Variants in PDE1C observed in about 807,000 individuals in gnomAD.
PDE1C encodes phosphodiesterase 1C.
A neutral mutation model predicts 93.1 loss-of-function variants in PDE1C; 62 were observed. The ratio of observed to expected loss-of-function variants is 0.67; its 90% CI spans 0.54 to 0.82. The LOEUF (loss-of-function observed/expected upper bound fraction) is 0.82, where lower values mean the gene tolerates loss of function less well. Among genes scored for constraint, PDE1C ranks in the 40% least tolerant of loss-of-function variants. PDE1C has a pLI of 0.00. For missense variants in PDE1C, 742 were observed against 884.6 expected (o/e 0.84, Z 2.04); for synonymous variants, 325 against 310.1 (o/e 1.05, Z -0.50).
At chr7:32,189,807 T>C (rs1482945955) in intron 2 of PDE1C, among the ~76,000 whole-genome samples, 1 of 152,168 alleles carries the variant, frequency 6.6e-6, no homozygotes, top group Non-Finnish European at 1.5e-5. Context: ...TATTTTTTTC[T>C]ACTTTTTGCC....
chr7:32,192,230 A>G (rs1456753489), intron 2 of PDE1C, among the ~76,000 whole-genome samples: 1 of 152,174 alleles, frequency 6.6e-6, no homozygotes, highest in Non-Finnish European at 1.5e-5. Flanking sequence ...AGCCCAATTT[A>G]TCAATTTTTA....
At chr7:31,657,674 T>C in the PDE1C span, among the ~76,000 whole-genome samples, 4 of 152,300 alleles carry the variant, frequency 2.6e-5, no homozygotes, top group East Asian at 1.9e-4. Context: ...CAAGATCCTG[T>C]ATTCCTTTTT....
At chr7:32,316,574 T>C (rs556690930) in intron 1 of PDE1C, among the ~76,000 whole-genome samples, 1 of 152,300 alleles carries the variant, frequency 6.6e-6, no homozygotes, top group Admixed American at 6.5e-5. Flanking sequence ...TTCTAAATAA[T>C]GATCATGAAT....
chr7:32,074,230 T>A (rs1796226556), upstream of PDE1C, among the ~76,000 whole-genome samples: 1 of 151,488 alleles, frequency 6.6e-6, no homozygotes, highest in Admixed American at 6.6e-5. Context: ...TAAAAAAAAA[T>A]AGGAATCAGG....
At chr7:32,311,360 T>C (rs1185375135) in intron 1 of PDE1C, among the ~76,000 whole-genome samples, 1 of 152,194 alleles carries the variant, frequency 6.6e-6, no homozygotes, top group Non-Finnish European at 1.5e-5. Context: ...TCTGAAACTA[T>C]TCCAATCAAC....
intron 16 of PDE1C, among the ~76,000 whole-genome samples, chr7:31,778,883 A>T (rs1783193403): frequency 6.6e-6 from 1 of 152,180 alleles, no homozygotes; most frequent in Non-Finnish European, 1.5e-5. Context: ...GTGTTGTGGG[A>T]GGAGGGAAAA....
At chr7:31,766,652 G>A (rs983298819) in intron 17 of PDE1C, among the ~76,000 whole-genome samples, 4 of 152,226 alleles carry the variant, frequency 2.6e-5, no homozygotes, top group African/African-American at 9.6e-5. Context: ...TGAAATTATT[G>A]CATTTGTATC....
At chr7:31,658,299 C>CT in the PDE1C span, 403,562 of 1,347,120 alleles carry the variant, frequency 0.3, 30,684 homozygotes, top group East Asian at 0.48. Flanking sequence ...AGCTGGATCC[C>CT]TTTTTTTTTT....
chr7:31,841,457 A>G (rs1409090707), intron 9 of PDE1C, among the ~76,000 whole-genome samples: 1 of 152,104 alleles, frequency 6.6e-6, no homozygotes, highest in Non-Finnish European at 1.5e-5. Context: ...GTCTTAAGGA[A>G]AAAACATTCA....
chr7:32,213,685 G>A (rs1806220591), intron 1 of PDE1C, among the ~76,000 whole-genome samples: 1 of 152,208 alleles, frequency 6.6e-6, no homozygotes, highest in African/African-American at 2.4e-5. Flanking sequence ...CAATACAGTA[G>A]ATGTTCCGTT....
intron 1 of PDE1C, among the ~76,000 whole-genome samples, chr7:32,313,230 C>T (rs1366767591): frequency 4.6e-5 from 7 of 152,064 alleles, no homozygotes; most frequent in South Asian, 2.1e-4. Flanking sequence ...ATTAGAATTG[C>T]GATCATTAAA....
In PDE1C at chr7:31,887,668, T is replaced by C. The variant is rs573628361; in HGVS notation, c.129-6808A>G. On this transcript the variant is annotated intron_variant, in intron 2 of 17. Coordinates refer to ENST00000396191, the MANE Select transcript of PDE1C (RefSeq NM_001191057.4). ...ATGCACCATTCTTTTCAAGTGTACA[T>C]GTAATAGTAATCAAAACTGACCATG... Among the ~76,000 whole-genome samples, 6 of 152,298 alleles carry C rather than the reference T, an allele frequency of 3.9e-5. No individual in the cohort carries two copies. In the East Asian group the frequency reaches 7.7e-4, roughly 20 times the overall value.
the PDE1C span, among the ~76,000 whole-genome samples, chr7:31,722,465 C>T: frequency 6.6e-6 from 1 of 152,158 alleles, no homozygotes; most frequent in African/African-American, 2.4e-5. Context: ...TCACAGTTTA[C>T]TTTTGGACAG....
At chr7:32,302,886 C>T (rs984043876), upstream of PDE1C, among the ~76,000 whole-genome samples, 5 of 152,270 alleles carry the variant, frequency 3.3e-5, no homozygotes, top group Non-Finnish European at 4.4e-5. Context: ...ATTGTAGGCC[C>T]AAGTTGCCCC....
intron 1 of PDE1C, among the ~76,000 whole-genome samples, chr7:32,415,154 CAAAT>C (rs1260340870): frequency 6.6e-6 from 1 of 152,054 alleles, no homozygotes; most frequent in African/African-American, 2.4e-5. Context: ...CCTGTCTCTA[CAAAT>C]AAATAAATAT....
At chr7:32,085,544 C>G (rs1052747414) in intron 3 of PDE1C, among the ~76,000 whole-genome samples, 1 of 148,222 alleles carries the variant, frequency 6.7e-6, no homozygotes, top group Non-Finnish European at 1.5e-5. Context: ...GTCAGAGACA[C>G]AACCAAAAAA....
intron 3 of PDE1C, among the ~76,000 whole-genome samples, chr7:32,132,682 A>G (rs1318997553): frequency 6.6e-6 from 1 of 152,150 alleles, no homozygotes; most frequent in South Asian, 2.1e-4. Context: ...AACAATGACA[A>G]TAAATAAAAT....
At chr7:31,775,332 G>A (rs901962184) in intron 17 of PDE1C, among the ~76,000 whole-genome samples, 3 of 152,032 alleles carry the variant, frequency 2.0e-5, no homozygotes, top group Admixed American at 1.3e-4. Context: ...CCTGAGTCTC[G>A]ATCTCACCAC....
At chr7:32,233,479 T>C (rs186461656) in intron 1 of PDE1C, among the ~76,000 whole-genome samples, 6 of 152,022 alleles carry the variant, frequency 3.9e-5, no homozygotes, top group African/African-American at 1.4e-4. Flanking sequence ...TAAAAGTAAA[T>C]GGATAAGAAA....
Sources: gnomAD v4.1 joint callset for allele counts (sites outside exome capture counted in the v4.1 genomes callset) on GRCh38, gnomAD v4.1.1 for gene constraint, MANE v1.5 for transcripts, NCBI Gene and HGNC (gene_info 2026-07-23, HGNC 2026-07-21) for gene names.